Variants in CDH12 observed in about 807,000 individuals in gnomAD.
CDH12 encodes the protein cadherin-12.
Under a neutral mutation model 74.1 loss-of-function variants are expected in CDH12, and 41 were observed. The ratio of observed to expected loss-of-function variants is 0.55; its 90% CI spans 0.43 to 0.72. The LOEUF is 0.72. CDH12 is among the 30% of genes least tolerant of loss of function. The pLI, the probability that CDH12 is intolerant of heterozygous loss-of-function variation, is 0.00. For synonymous variants in CDH12, 399 were observed against 355.0 expected (o/e 1.12, Z -1.39); for missense variants, 945 against 977.2 (o/e 0.97, Z 0.44).
intron 1 of CDH12, among the ~76,000 whole-genome samples, chr5:22,722,256 CA>C (rs1743937736): frequency 1.3e-5 from 2 of 152,248 alleles, no homozygotes; most frequent in Non-Finnish European, 2.9e-5. Context: ...ATGCAGTCAG[CA>C]TGCTTCTGCT....
intron 1 of CDH12, among the ~76,000 whole-genome samples, chr5:22,732,469 T>TAC (rs1304912248): frequency 0.018 from 1,032 of 58,262 alleles, 8 homozygotes; most frequent in Middle Eastern, 0.057. Context: ...TATATATATA[T>TAC]ATACACACAC....
At chr5:22,384,272 C>A in intron 3 of CDH12, among the ~76,000 whole-genome samples, 1 of 151,710 alleles carries the variant, frequency 6.6e-6, no homozygotes, top group South Asian at 2.1e-4. Flanking sequence ...CGCTTGTAAT[C>A]CCAGCACTTT....
At chr5:21,874,163 A>C (rs970140518) in intron 6 of CDH12, among the ~76,000 whole-genome samples, 2 of 152,244 alleles carry the variant, frequency 1.3e-5, no homozygotes, top group Non-Finnish European at 2.9e-5. Flanking sequence ...AAACATAAGC[A>C]AATTTACAAG....
intron 1 of CDH12, among the ~76,000 whole-genome samples, chr5:22,809,973 T>C (rs1749055115): frequency 1.3e-5 from 2 of 152,166 alleles, no homozygotes; most frequent in African/African-American, 4.8e-5. Flanking sequence ...CATTGTATTT[T>C]AGTATTATAA....
chr5:21,927,137 CAG>C (rs1446177211), intron 6 of CDH12, among the ~76,000 whole-genome samples: 11 of 152,192 alleles, frequency 7.2e-5, no homozygotes, highest in African/African-American at 2.7e-4. Context: ...AGTAGAGAGG[CAG>C]AGTTAGCCAG....
chr5:22,708,817 A>T lies in CDH12; in HGVS notation c.-523+144241T>A, dbSNP rs188762979. Reference sequence around the variant, plus strand: ...TAGAACTAGTTTTCCTAAATTTAGAAAATTATTTGCTTTTATCAGAGAATC... The same window carrying T: ...TAGAACTAGTTTTCCTAAATTTAGATAATTATTTGCTTTTATCAGAGAATC... On this transcript the variant is annotated intron_variant, in intron 1 of 14. Transcript: ENST00000382254. 2.9e-4 allele frequency among the ~76,000 whole-genome samples: 44 copies of T among 152,320 alleles called. No homozygotes were observed. The East Asian group carries it at 4.8e-3, about 17-fold the overall frequency.
chr5:22,342,504 TTTCC>T (rs997627723), intron 3 of CDH12, among the ~76,000 whole-genome samples: 4 of 151,466 alleles, frequency 2.6e-5, no homozygotes, highest in African/African-American at 7.3e-5. Context: ...TCCCCTGGTA[TTTCC>T]TTCCTTCCTT....
chr5:22,055,770 A>T (rs1740694768), intron 5 of CDH12, among the ~76,000 whole-genome samples: 2 of 152,068 alleles, frequency 1.3e-5, no homozygotes, highest in South Asian at 4.1e-4. Flanking sequence ...ATATGACTAC[A>T]CTTCAAAACT....
At chr5:22,268,275 A>G (rs954106357) in intron 3 of CDH12, among the ~76,000 whole-genome samples, 1 of 152,086 alleles carries the variant, frequency 6.6e-6, no homozygotes, top group Admixed American at 6.6e-5. Flanking sequence ...ATATGTGTGT[A>G]TATATATGTA....
At chr5:22,164,527 C>T (rs1043187676) in intron 4 of CDH12, among the ~76,000 whole-genome samples, 1 of 152,062 alleles carries the variant, frequency 6.6e-6, no homozygotes, top group Non-Finnish European at 1.5e-5. Context: ...AAGCTCAGCT[C>T]AAGCCGTAAT....
At chr5:22,343,055 A>G (rs896234480) in intron 3 of CDH12, among the ~76,000 whole-genome samples, 58 of 151,684 alleles carry the variant, frequency 3.8e-4, no homozygotes, top group African/African-American at 1.4e-3. Context: ...GGGTTTCACT[A>G]TGTTGGCCAG....
intron 5 of CDH12, among the ~76,000 whole-genome samples, chr5:22,002,831 C>T (rs1219109727): frequency 6.6e-6 from 1 of 152,022 alleles, no homozygotes; most frequent in East Asian, 1.9e-4. Flanking sequence ...CGAACATTTT[C>T]ATAAGCTCAG....
chr5:21,879,163 C>T (rs535434981), intron 6 of CDH12, among the ~76,000 whole-genome samples: 28 of 152,244 alleles, frequency 1.8e-4, no homozygotes, highest in Non-Finnish European at 3.7e-4. Flanking sequence ...AGTAATCATT[C>T]TCATGATGAC....
At chr5:22,823,331 T>C (rs923201657) in intron 1 of CDH12, among the ~76,000 whole-genome samples, 6 of 151,986 alleles carry the variant, frequency 3.9e-5, no homozygotes, top group Non-Finnish European at 5.9e-5. Flanking sequence ...CATGTATACA[T>C]ATGTAACAAA....
At chr5:22,089,071 G>A (rs1186832236) in intron 4 of CDH12, among the ~76,000 whole-genome samples, 3 of 152,160 alleles carry the variant, frequency 2.0e-5, no homozygotes, top group Admixed American at 2.0e-4. Flanking sequence ...TTGACCAGCA[G>A]GCTGTTTACA....
intron 4 of CDH12, among the ~76,000 whole-genome samples, chr5:22,120,445 G>T (rs1379763136): frequency 6.6e-6 from 1 of 152,072 alleles, no homozygotes; most frequent in Non-Finnish European, 1.5e-5. Context: ...AAAGCAATTG[G>T]TTATTCAAGC....
intron 1 of CDH12, among the ~76,000 whole-genome samples, chr5:22,568,631 G>C (rs1328313485): frequency 6.6e-6 from 1 of 152,062 alleles, no homozygotes; most frequent in East Asian, 1.9e-4. Context: ...TAAATGGTAA[G>C]AAAACACTGG....
intron 6 of CDH12, among the ~76,000 whole-genome samples, chr5:21,957,545 G>A (rs1416268332): frequency 6.6e-6 from 1 of 152,106 alleles, no homozygotes; most frequent in South Asian, 2.1e-4. Context: ...GTGTGTAAGT[G>A]TTTCCTTTTC....
chr5:21,942,345 T>TAC (rs777181583), intron 6 of CDH12, among the ~76,000 whole-genome samples: 44 of 99,104 alleles, frequency 4.4e-4, no homozygotes, highest in Admixed American at 2.1e-3. Context: ...TATATATATA[T>TAC]ATACACACAC....
Sources: gnomAD v4.1 joint callset for allele counts (sites outside exome capture counted in the v4.1 genomes callset) on GRCh38, gnomAD v4.1.1 for gene constraint, MANE v1.5 for transcripts, NCBI Gene and HGNC (gene_info 2026-07-23, HGNC 2026-07-21) for gene names.